The following ZC3H12B variants were observed in gnomAD, a reference collection of about 807,000 sequenced individuals.
ZC3H12B encodes zinc finger CCCH-type containing 12B.
A neutral mutation model predicts 43.9 loss-of-function variants in ZC3H12B; 7 were observed. The ratio of observed to expected loss-of-function variants is 0.16; its 90% CI spans 0.09 to 0.30. The LOEUF (loss-of-function observed/expected upper bound fraction) is 0.30, where lower values mean the gene tolerates loss of function less well. Among genes scored for constraint, ZC3H12B ranks in the 10% least tolerant of loss-of-function variants. The probability of loss-of-function intolerance (pLI) is 1.00; values close to 1 mark genes in which losing one functional copy is unlikely to be tolerated. For missense variants in ZC3H12B, 475 were observed against 670.2 expected, an observed-to-expected ratio of 0.71 and a Z score of 3.22; for synonymous variants, 222 against 241.7, an observed-to-expected ratio of 0.92 and a Z score of 0.76.
the ZC3H12B span, among the ~76,000 whole-genome samples, chrX:65,127,837 A>C: frequency 9.0e-6 from 1 of 110,926 alleles, no homozygotes; most frequent in Non-Finnish European, 1.9e-5. Flanking sequence ...CCCCCCTCCC[A>C]CACAGTTTAC....
chrX:65,299,133 C>T, the ZC3H12B span, among the ~76,000 whole-genome samples: 1 of 111,954 alleles, frequency 8.9e-6, no homozygotes. Flanking sequence ...GATATACAGT[C>T]GTGAACTACA....
intron 2 of ZC3H12B, among the ~76,000 whole-genome samples, chrX:65,393,093 A>G (rs761653321): frequency 1.8e-5 from 2 of 111,117 alleles, no homozygotes; most frequent in East Asian, 5.7e-4. Context: ...TCAAGTACCC[A>G]GGGACACAAA....
At chrX:65,135,540 T>G in the ZC3H12B span, among the ~76,000 whole-genome samples, 1 of 109,833 alleles carries the variant, frequency 9.1e-6, no homozygotes, top group African/African-American at 3.3e-5. Context: ...ATATTTGAGC[T>G]TATTTTTTCT....
the ZC3H12B span, among the ~76,000 whole-genome samples, chrX:65,051,584 A>G: frequency 1.8e-5 from 2 of 112,079 alleles, no homozygotes; most frequent in African/African-American, 6.5e-5. Flanking sequence ...GCATATGAAC[A>G]AAGAAACTAT....
chrX:65,366,675 C>T (rs2066179067), exon 1 of ZC3H12B: 1 of 112,002 alleles, frequency 8.9e-6, no homozygotes, highest in Non-Finnish European at 1.9e-5. Context: ...GATACCACTG[C>T]TTCTTTTAAG....
chrX:65,279,705 G>A, the ZC3H12B span, among the ~76,000 whole-genome samples: 206 of 112,033 alleles, frequency 1.8e-3, 4 homozygotes, highest in East Asian at 0.036. Flanking sequence ...TGCAACAAAA[G>A]CAAAAATAGA....
chrX:65,442,724 A>G (rs1218962725), intron 3 of ZC3H12B, among the ~76,000 whole-genome samples: 1 of 112,390 alleles, frequency 8.9e-6, no homozygotes, highest in African/African-American at 3.2e-5. Flanking sequence ...TCCCATTACA[A>G]AAGGAGAACC....
At chrX:65,192,769 C>CAGATAGATAGATAGAT in the ZC3H12B span, among the ~76,000 whole-genome samples, 1,894 of 104,377 alleles carry the variant, frequency 0.018, 47 homozygotes, top group African/African-American at 0.066. Flanking sequence ...GGGATTTTCC[C>CAGATAGATAGATAGAT]AGATAGATAG....
chrX:65,411,998 C>G (rs957389859), intron 3 of ZC3H12B, among the ~76,000 whole-genome samples: 3 of 110,366 alleles, frequency 2.7e-5, no homozygotes, highest in Non-Finnish European at 5.7e-5. Context: ...GAGGTGAAAT[C>G]TAGATAATAT....
chrX:65,188,062 G>A, the ZC3H12B span, among the ~76,000 whole-genome samples: 1 of 111,441 alleles, frequency 9.0e-6, no homozygotes, highest in Non-Finnish European at 1.9e-5. Context: ...TGCATAGTTT[G>A]TCTTTTGGTA....
intron 3 of ZC3H12B, among the ~76,000 whole-genome samples, chrX:65,468,570 G>A (rs1272097699): frequency 2.3e-4 from 23 of 101,015 alleles, no homozygotes; most frequent in Admixed American, 8.9e-4. Context: ...TGCAAGCTCC[G>A]CCTCCCAGGT....
chrX:65,360,480 G>A, the ZC3H12B span, among the ~76,000 whole-genome samples: 1 of 112,057 alleles, frequency 8.9e-6, no homozygotes, highest in African/African-American at 3.2e-5. Flanking sequence ...TTGGGGGAAT[G>A]CAAATTAAAA....
At chrX:65,284,484 G>C in the ZC3H12B span, among the ~76,000 whole-genome samples, 26 of 111,729 alleles carry the variant, frequency 2.3e-4, no homozygotes, top group African/African-American at 6.5e-4. Flanking sequence ...AGACAAGGCC[G>C]GGCACGGTGG....
At chrX:65,226,027 C>A in the ZC3H12B span, among the ~76,000 whole-genome samples, 2 of 111,153 alleles carry the variant, frequency 1.8e-5, no homozygotes, top group Non-Finnish European at 3.8e-5. Context: ...ACAGAGAACG[C>A]CACAAAGATG....
chrX:65,161,778 G>T, the ZC3H12B span, among the ~76,000 whole-genome samples: 46 of 111,649 alleles, frequency 4.1e-4, no homozygotes, highest in African/African-American at 1.4e-3. Context: ...GGTTAATATT[G>T]TTTTGTGTGA....
At chrX:65,258,162 A>G in the ZC3H12B span, among the ~76,000 whole-genome samples, 4 of 111,244 alleles carry the variant, frequency 3.6e-5, no homozygotes, top group Non-Finnish European at 7.5e-5. Context: ...ACCAAATCCA[A>G]CAGCACATCA....
At chrX:65,378,029 G>C (rs188511401) in intron 2 of ZC3H12B, among the ~76,000 whole-genome samples, 62 of 110,866 alleles carry the variant, frequency 5.6e-4, no homozygotes, top group African/African-American at 1.7e-3. Flanking sequence ...AACCTGGGGG[G>C]TGAAGCTTGC....
At chrX:65,310,381 T>C in the ZC3H12B span, among the ~76,000 whole-genome samples, 68 of 111,683 alleles carry the variant, frequency 6.1e-4, no homozygotes, top group African/African-American at 2.2e-3. Context: ...AGCCAAATCA[T>C]GAGTGAACTC....
At chrX:65,248,464 G>T in the ZC3H12B span, among the ~76,000 whole-genome samples, 2 of 111,818 alleles carry the variant, frequency 1.8e-5, no homozygotes, top group East Asian at 2.8e-4. Flanking sequence ...ACAATATTTA[G>T]CCCGGATAGA....
Sources: gnomAD v4.1 joint callset for allele counts (sites outside exome capture counted in the v4.1 genomes callset) on GRCh38, gnomAD v4.1.1 for gene constraint, MANE v1.5 for transcripts, NCBI Gene and HGNC (gene_info 2026-07-23, HGNC 2026-07-21) for gene names.